The following FHIT variants were observed in gnomAD, a reference collection of about 807,000 sequenced individuals.
FHIT encodes bis(5'-adenosyl)-triphosphatase.
Under a neutral mutation model 17.9 loss-of-function variants are expected in FHIT, and 19 were observed. The observed-to-expected ratio is 1.06, with a 90% CI of 0.74 to 1.56. The LOEUF is 1.56. Ranked by LOEUF, FHIT falls within the 40% of genes most tolerant of loss-of-function variation. The probability of loss-of-function intolerance (pLI) is 0.00; values close to 1 mark genes in which losing one functional copy is unlikely to be tolerated. For synonymous variants in FHIT, 81 were observed against 69.7 expected, an observed-to-expected ratio of 1.16 and a Z score of -0.81; for missense variants, 248 against 189.2, an observed-to-expected ratio of 1.31 and a Z score of -1.82.
At chr3:60,672,313 G>A (rs533384317) in intron 4 of FHIT, among the ~76,000 whole-genome samples, 1 of 151,198 alleles carries the variant, frequency 6.6e-6, no homozygotes, top group African/African-American at 2.4e-5. Context: ...TTAGCGAAGG[G>A]AGATAAGGGT....
intron 5 of FHIT, among the ~76,000 whole-genome samples, chr3:60,018,879 CAG>C (rs1700446320): frequency 1.3e-5 from 2 of 152,270 alleles, no homozygotes; most frequent in South Asian, 4.2e-4. Context: ...ACTCAGGAGG[CAG>C]AGACAGAAGA....
intron 5 of FHIT, among the ~76,000 whole-genome samples, chr3:60,147,915 C>T (rs1700309730): frequency 6.6e-6 from 1 of 152,132 alleles, no homozygotes; most frequent in Non-Finnish European, 1.5e-5. Flanking sequence ...ACTATTAGGA[C>T]AGTGGAAAAT....
At chr3:60,214,063 C>G (rs1458227057) in intron 5 of FHIT, among the ~76,000 whole-genome samples, 1 of 152,118 alleles carries the variant, frequency 6.6e-6, no homozygotes, top group African/African-American at 2.4e-5. Context: ...GTGGTCGTGA[C>G]TAGCGCAATG....
chr3:59,880,073 G>A (rs1703344555), intron 8 of FHIT, among the ~76,000 whole-genome samples: 1 of 152,136 alleles, frequency 6.6e-6, no homozygotes, highest in African/African-American at 2.4e-5. Flanking sequence ...CAGATCACAG[G>A]GACAAAGAAG....
chr3:60,553,967 A>C (rs2107631073), intron 4 of FHIT, among the ~76,000 whole-genome samples: 1 of 152,178 alleles, frequency 6.6e-6, no homozygotes, highest in Middle Eastern at 3.4e-3. Context: ...GGCACCTGTA[A>C]TCCCAGCTAC....
intron 5 of FHIT, among the ~76,000 whole-genome samples, chr3:60,334,614 C>G (rs551714808): frequency 6.6e-6 from 1 of 152,254 alleles, no homozygotes; most frequent in Admixed American, 6.5e-5. Context: ...AGTGAAATGC[C>G]ATCTCTAACA....
chr3:60,614,699 ATTAT>A (rs2038889499), intron 4 of FHIT, among the ~76,000 whole-genome samples: 1 of 152,092 alleles, frequency 6.6e-6, no homozygotes, highest in African/African-American at 2.4e-5. Flanking sequence ...CAGCATAGAA[ATTAT>A]TTATTAAACC....
chr3:60,509,178 T>C (rs901438309), intron 5 of FHIT, among the ~76,000 whole-genome samples: 5 of 152,188 alleles, frequency 3.3e-5, no homozygotes, highest in Non-Finnish European at 5.9e-5. Flanking sequence ...AATGTGACTC[T>C]TGGCGATTCC....
At chr3:60,043,753 A>G (rs1197488920) in intron 5 of FHIT, among the ~76,000 whole-genome samples, 1 of 152,190 alleles carries the variant, frequency 6.6e-6, no homozygotes, top group African/African-American at 2.4e-5. Context: ...CTGATTAGAC[A>G]GTTATGGCTT....
chr3:60,423,540 T>C (rs966953167), intron 5 of FHIT, among the ~76,000 whole-genome samples: 5 of 152,144 alleles, frequency 3.3e-5, no homozygotes, highest in African/African-American at 1.2e-4. Flanking sequence ...GATGATGTGT[T>C]TAAAGAACAG....
chr3:61,234,327 C>T lies in FHIT; in HGVS notation c.-213+16974G>A, dbSNP rs539430245. Among the ~76,000 whole-genome samples, 5 of 152,182 alleles carry T rather than the reference C, an allele frequency of 3.3e-5. No individual in the cohort carries two copies. The East Asian group carries it at 9.7e-4, about 29-fold the overall frequency. On this transcript the variant is annotated intron_variant, in intron 1 of 9. Coordinates refer to ENST00000492590, the MANE Select transcript of FHIT (RefSeq NM_002012.4). ...TCATGAATGTGATTATGCACACGTG[C>T]AAATACATCAGAAAAAATGGTGAGG...
chr3:60,854,224 A>G (rs994753269), intron 3 of FHIT, among the ~76,000 whole-genome samples: 2 of 152,138 alleles, frequency 1.3e-5, no homozygotes, highest in Non-Finnish European at 2.9e-5. Flanking sequence ...CATCAGACCA[A>G]TTGTATTTTT....
chr3:60,471,116 C>T (rs1224055638), intron 5 of FHIT, among the ~76,000 whole-genome samples: 1 of 152,172 alleles, frequency 6.6e-6, no homozygotes, highest in Non-Finnish European at 1.5e-5. Flanking sequence ...TCTTTACTCT[C>T]TCCTCTCCTC....
intron 4 of FHIT, among the ~76,000 whole-genome samples, chr3:60,552,571 A>T (rs944689656): frequency 6.6e-6 from 1 of 152,092 alleles, no homozygotes; most frequent in Non-Finnish European, 1.5e-5. Context: ...GAAAGTTCCT[A>T]TGGTGATTCT....
At chr3:60,529,696 A>G (rs979613717) in intron 5 of FHIT, among the ~76,000 whole-genome samples, 1 of 152,222 alleles carries the variant, frequency 6.6e-6, no homozygotes, top group African/African-American at 2.4e-5. Context: ...AGTGATTGTT[A>G]ACCATGACAG....
intron 4 of FHIT, among the ~76,000 whole-genome samples, chr3:60,689,064 T>C (rs1162953797): frequency 2.0e-5 from 3 of 152,120 alleles, no homozygotes; most frequent in Non-Finnish European, 2.9e-5. Flanking sequence ...GTCTTTCTCA[T>C]GCTGTTCTCC....
chr3:61,165,490 G>T (rs2037810247), intron 2 of FHIT: 1 of 152,124 alleles, frequency 6.6e-6, no homozygotes, highest in South Asian at 2.1e-4. Flanking sequence ...AGAGTTACTT[G>T]TTTTTTGCCT....
At chr3:60,620,585 GAA>G (rs562373515) in intron 4 of FHIT, among the ~76,000 whole-genome samples, 2 of 134,176 alleles carry the variant, frequency 1.5e-5, no homozygotes, top group South Asian at 2.4e-4. Context: ...GGATACATTG[GAA>G]AAAAAAAAAA....
intron 3 of FHIT, among the ~76,000 whole-genome samples, chr3:60,845,050 T>C (rs1553746079): frequency 6.6e-6 from 1 of 152,112 alleles, no homozygotes; most frequent in African/African-American, 2.4e-5. Context: ...TCATTCTGAA[T>C]ATGAAGTTTA....
Sources: gnomAD v4.1 joint callset for allele counts (sites outside exome capture counted in the v4.1 genomes callset) on GRCh38, gnomAD v4.1.1 for gene constraint, MANE v1.5 for transcripts, NCBI Gene and HGNC (gene_info 2026-07-23, HGNC 2026-07-21) for gene names.